Variants in PTPRT observed in about 807,000 individuals in gnomAD.
PTPRT encodes protein tyrosine phosphatase receptor type T, also known as receptor-type tyrosine-protein phosphatase T.
A neutral mutation model predicts 176.8 loss-of-function variants in PTPRT; 56 were observed. The ratio of observed to expected loss-of-function variants is 0.32; its 90% CI spans 0.26 to 0.40. The LOEUF (loss-of-function observed/expected upper bound fraction) is 0.40, where lower values mean the gene tolerates loss of function less well. Ranked by LOEUF, PTPRT falls within the 10% of genes least tolerant of loss-of-function variation. The probability of loss-of-function intolerance (pLI) is 1.00; values close to 1 mark genes in which losing one functional copy is unlikely to be tolerated. For synonymous variants in PTPRT, 783 were observed against 739.0 expected (o/e 1.06, Z -0.96); for missense variants, 1,540 against 1,908.2 (o/e 0.81, Z 3.60).
rs535572624 is a variant in PTPRT, at chr20:43,170,999, G to A, written c.88+18647C>T. The stretch of plus-strand genomic sequence containing the variant: ...CCAGGTTTGTCCAGTTAACAGCTGC[G>A]TGACTGAGTATGTGCATAACCTCAC... On this transcript the variant is annotated intron_variant, in intron 1 of 30. Coordinates refer to ENST00000373187, the MANE Select transcript of PTPRT (RefSeq NM_007050.6). Among the ~76,000 whole-genome samples, 36 of 152,272 alleles carry A rather than the reference G, an allele frequency of 2.4e-4. No individual in the cohort carries two copies. In the South Asian group the frequency reaches 3.9e-3, roughly 17 times the overall value.
At chr20:42,603,376 G>A (rs1387400144) in intron 7 of PTPRT, among the ~76,000 whole-genome samples, 1 of 151,976 alleles carries the variant, frequency 6.6e-6, no homozygotes, top group Non-Finnish European at 1.5e-5. Context: ...GGTGGAGAGG[G>A]GACAAACGAT....
intron 1 of PTPRT, among the ~76,000 whole-genome samples, chr20:42,927,435 G>A (rs1381966834): frequency 6.6e-6 from 1 of 152,184 alleles, no homozygotes; most frequent in Non-Finnish European, 1.5e-5. Flanking sequence ...AGTGGCGCAT[G>A]CCCGTAATCC....
chr20:42,297,062 T>C lies in PTPRT; in HGVS notation c.2140-14537A>G, dbSNP rs549505506. ...AAAAAGGAAGGAATGAAATAAGCTA[T>C]AAACAGTAAATGAAAAAATAATAAA... On this transcript the variant is annotated intron_variant, in intron 12 of 30. Coordinates refer to ENST00000373187, the MANE Select transcript of PTPRT (RefSeq NM_007050.6). Among the ~76,000 whole-genome samples, 4 of 152,158 alleles carry C rather than the reference T, an allele frequency of 2.6e-5. No homozygotes were observed. In the South Asian group the frequency reaches 8.3e-4, roughly 32 times the overall value.
intron 1 of PTPRT, among the ~76,000 whole-genome samples, chr20:43,125,175 T>C (rs531191115): frequency 2.0e-5 from 3 of 151,884 alleles, no homozygotes; most frequent in Admixed American, 6.6e-5. Context: ...TTTTTTTTTT[T>C]TTTAAGTAGA....
intron 7 of PTPRT, among the ~76,000 whole-genome samples, chr20:42,541,446 T>A (rs1787774531): frequency 6.6e-6 from 1 of 151,858 alleles, no homozygotes; most frequent in Non-Finnish European, 1.5e-5. Context: ...ATTTAGGATA[T>A]AATAAAGGTG....
intron 1 of PTPRT, among the ~76,000 whole-genome samples, chr20:43,068,523 A>G (rs981513617): frequency 1.6e-4 from 24 of 150,804 alleles, no homozygotes; most frequent in Admixed American, 6.6e-5. Flanking sequence ...AAAAAAAAAA[A>G]AGCCAATTAG....
intron 7 of PTPRT, among the ~76,000 whole-genome samples, chr20:42,558,436 T>A (rs1311881541): frequency 1.3e-5 from 2 of 152,162 alleles, no homozygotes; most frequent in Admixed American, 6.5e-5. Context: ...AACATACACA[T>A]GTATGTGTGT....
intron 1 of PTPRT, among the ~76,000 whole-genome samples, chr20:43,117,120 C>A (rs1354446376): frequency 6.6e-6 from 1 of 152,052 alleles, no homozygotes; most frequent in Non-Finnish European, 1.5e-5. Context: ...GAGACATGCG[C>A]TGCTTCTTAC....
intron 1 of PTPRT, among the ~76,000 whole-genome samples, chr20:43,148,276 G>A (rs2014235360): frequency 6.6e-6 from 1 of 152,076 alleles, no homozygotes. Flanking sequence ...ACTCTGCCTG[G>A]AACGGTTCTC....
In PTPRT at chr20:42,880,564, C is replaced by T. The variant is rs146046287; in HGVS notation, c.214+5243G>A. 2.0e-5 allele frequency among the ~76,000 whole-genome samples: 3 copies of T among 152,284 alleles called. No individual in the cohort carries two copies. In the East Asian group the frequency reaches 5.8e-4, roughly 30 times the overall value. ...CTTCCTTCAGCCCCCAGGATGCCCT[C>T]CTGCTGGGCCCTGGGCTGTAATTCA... On this transcript the variant is annotated intron_variant, in intron 2 of 30. Transcript: ENST00000373187.
intron 15 of PTPRT, among the ~76,000 whole-genome samples, chr20:42,204,987 T>TTA (rs2055418059): frequency 1.4e-5 from 2 of 141,944 alleles, no homozygotes. Context: ...TTTTTTTTTT[T>TTA]ATTATACTTT....
intron 17 of PTPRT, among the ~76,000 whole-genome samples, chr20:42,147,060 T>C (rs1189826317): frequency 2.0e-5 from 3 of 152,184 alleles, no homozygotes; most frequent in Non-Finnish European, 2.9e-5. Context: ...TATTATTAGA[T>C]AGACTTCTTT....
At position 42,080,573 on chromosome 20, in the gene PTPRT, A is replaced by T; in HGVS notation, c.*306T>A. 1 of 329,360 alleles carries T rather than the reference A, an allele frequency of 3.0e-6. No individual in the cohort carries two copies. The highest frequency in any genetic ancestry group is 5.0e-5 in the East Asian group (1 of 20,172). 20.4% of individuals were successfully genotyped at this position (329,360 alleles called of 1,614,324 possible). On this transcript the variant is annotated 3_prime_UTR_variant, in exon 31 of 31. Coordinates refer to ENST00000373187, the MANE Select transcript of PTPRT (RefSeq NM_007050.6). ...CCAAGAGATCCACAAACTCAGAACA[A>T]AAGCAGGTGGTCTGGGAGCCAGAAA...
chr20:42,212,999 G>T (rs1040085909), intron 15 of PTPRT, among the ~76,000 whole-genome samples: 1 of 152,098 alleles, frequency 6.6e-6, no homozygotes, highest in African/African-American at 2.4e-5. Flanking sequence ...TGCAGCCTGG[G>T]CATCTGGGCA....
intron 11 of PTPRT, among the ~76,000 whole-genome samples, chr20:42,338,643 C>A (rs1399039298): frequency 1.3e-5 from 2 of 152,058 alleles, no homozygotes; most frequent in African/African-American, 4.8e-5. Flanking sequence ...GGATTGGGAC[C>A]AAATTCCTTT....
At chr20:42,843,895 G>A (rs1324791354) in intron 2 of PTPRT, among the ~76,000 whole-genome samples, 2 of 152,170 alleles carry the variant, frequency 1.3e-5, no homozygotes, top group East Asian at 3.8e-4. Flanking sequence ...GAACCAGCCA[G>A]GAAAAAATAA....
chr20:42,120,056 C>G (rs1480290117), intron 19 of PTPRT, 85 bp from the exon 20 acceptor site: 1 of 1,280,520 alleles, frequency 7.8e-7, no homozygotes. Context: ...CTCTCCAAGT[C>G]TTGATTTTCT....
intron 1 of PTPRT, among the ~76,000 whole-genome samples, chr20:42,934,276 G>T (rs1019309745): frequency 7.2e-5 from 11 of 152,204 alleles, no homozygotes; most frequent in Non-Finnish European, 1.2e-4. Flanking sequence ...ATGTGTGTCT[G>T]TAGCTGAGGG....
chr20:42,440,702 C>T (rs2059307641), intron 9 of PTPRT, among the ~76,000 whole-genome samples: 1 of 152,140 alleles, frequency 6.6e-6, no homozygotes, highest in Non-Finnish European at 1.5e-5. Context: ...TGGTCTCGAT[C>T]TCCTGACCTC....
Sources: allele counts gnomAD v4.1 joint callset (sites outside exome capture counted in the v4.1 genomes callset), GRCh38; gene constraint gnomAD v4.1.1; transcripts MANE v1.5; gene names NCBI Gene and HGNC (gene_info 2026-07-23, HGNC 2026-07-21).